P4HA1: variants seen among roughly 807,000 people sequenced by gnomAD.
P4HA1 encodes prolyl 4-hydroxylase subunit alpha-1.
In P4HA1, 24 loss-of-function variants were observed where a neutral mutation model predicts 72.8. The observed-to-expected ratio is 0.33, with a 90% CI of 0.24 to 0.46. The LOEUF is 0.46. Ranked by LOEUF, P4HA1 falls within the 20% of genes least tolerant of loss-of-function variation. The pLI is 1.00. For synonymous variants in P4HA1, 201 were observed against 218.8 expected, an observed-to-expected ratio of 0.92 and a Z score of 0.72; for missense variants, 446 against 640.6, an observed-to-expected ratio of 0.70 and a Z score of 3.28.
chr10:73,089,346 T>C (rs1006488625), intron 1 of P4HA1, among the ~76,000 whole-genome samples: 1 of 151,930 alleles, frequency 6.6e-6, no homozygotes, highest in East Asian at 1.9e-4. Flanking sequence ...TTTTGAAGAG[T>C]CACAGACATG....
chr10:73,091,108 T>A (rs1256561697), intron 1 of P4HA1, among the ~76,000 whole-genome samples: 1 of 147,970 alleles, frequency 6.8e-6, no homozygotes, highest in Admixed American at 6.8e-5. Context: ...TTTGAAATCA[T>A]GTAAATTTGA....
intron 8 of P4HA1, among the ~76,000 whole-genome samples, chr10:73,045,291 T>C (rs139521367): frequency 3.4e-3 from 511 of 151,572 alleles, no homozygotes; most frequent in African/African-American, 0.011. Flanking sequence ...ACAAAAGAGA[T>C]TGGAAATTAA....
chr10:73,072,507 C>A (rs540842672), intron 3 of P4HA1, among the ~76,000 whole-genome samples: 11 of 152,218 alleles, frequency 7.2e-5, no homozygotes, highest in Admixed American at 2.0e-4. Flanking sequence ...GGCCAAATAA[C>A]TGATTATTAC....
intron 9 of P4HA1, among the ~76,000 whole-genome samples, chr10:73,037,201 CA>C (rs1708718296): frequency 6.7e-6 from 1 of 150,362 alleles, no homozygotes; most frequent in Non-Finnish European, 1.5e-5. Context: ...TTAAATAGCC[CA>C]AAGTATGTTC....
intron 8 of P4HA1, among the ~76,000 whole-genome samples, chr10:73,046,376 T>C (rs1389739795): frequency 2.0e-5 from 3 of 152,202 alleles, no homozygotes; most frequent in Non-Finnish European, 4.4e-5. Context: ...GTTTTTATGC[T>C]CAACACTAAG....
intron 10 of P4HA1, among the ~76,000 whole-genome samples, chr10:73,025,371 G>C (rs544835113): frequency 1.4e-3 from 209 of 152,180 alleles, no homozygotes; most frequent in East Asian, 5.2e-3. Flanking sequence ...AAAACCACAT[G>C]ATTATCTCAA....
At chr10:73,043,891 T>C in intron 9 of P4HA1, 1 of 1,605,460 alleles carries the variant, frequency 6.2e-7, no homozygotes, top group Non-Finnish European at 8.5e-7. Flanking sequence ...CCTTACCTCT[T>C]AGATACTCTG....
Position 73,094,147 on chromosome 10 carries a change from T to C in P4HA1, c.-33+2619A>G, listed in dbSNP as rs1221236129. On this transcript the variant is annotated intron_variant, in intron 1 of 14. Coordinates refer to ENST00000394890, the MANE Select transcript of P4HA1 (RefSeq NM_001017962.3). ...CATATATAGGAGAGGGCATGCAATG[T>C]GATATACTTTCACAGACTAGACAAT... Among the ~76,000 whole-genome samples, 3 of 152,062 alleles carry C rather than the reference T, an allele frequency of 2.0e-5. No homozygotes were observed. The East Asian group carries it at 5.8e-4, about 29-fold the overall frequency.
intron 7 of P4HA1, among the ~76,000 whole-genome samples, chr10:73,048,273 GT>G (rs1448175583): frequency 2.0e-5 from 3 of 151,960 alleles, no homozygotes; most frequent in Admixed American, 6.6e-5. Flanking sequence ...TTTTGTTTTT[GT>G]TTTTGTTTAG....
intron 10 of P4HA1, among the ~76,000 whole-genome samples, chr10:73,028,343 CACAA>C (rs1840344166): frequency 6.8e-6 from 1 of 147,096 alleles, no homozygotes; most frequent in South Asian, 2.1e-4. Context: ...CACACACACA[CACAA>C]AATACATTTT....
At chr10:73,076,364 T>TTTG (rs1554842643) in intron 1 of P4HA1, among the ~76,000 whole-genome samples, 1 of 151,760 alleles carries the variant, frequency 6.6e-6, no homozygotes, top group African/African-American at 2.4e-5. Context: ...GTGCCTGTTT[T>TTTG]TTTTTTTTTT....
At chr10:73,049,509 A>G (rs1456759473) in intron 7 of P4HA1, among the ~76,000 whole-genome samples, 1 of 152,234 alleles carries the variant, frequency 6.6e-6, no homozygotes, top group Non-Finnish European at 1.5e-5. Flanking sequence ...CATTATCATA[A>G]AAAGGTTCTG....
At chr10:73,009,931 C>G (rs1445160364) in intron 13 of P4HA1, 28 bp from the exon 14 acceptor site, 13 of 1,230,474 alleles carry the variant, frequency 1.1e-5, no homozygotes. Context: ...CAATTATCCC[C>G]AAGTATACAA....
At chr10:73,046,838 C>G (rs1434113821) in intron 8 of P4HA1, 87 bp downstream of exon 8, 1 of 964,062 alleles carries the variant, frequency 1.0e-6, no homozygotes. Context: ...TGGCATTATT[C>G]GTATATCAAT....
At chr10:73,093,907 T>TATATATACAC (rs1256283876) in intron 1 of P4HA1, among the ~76,000 whole-genome samples, 14 of 55,608 alleles carry the variant, frequency 2.5e-4, no homozygotes, top group African/African-American at 7.6e-4. Flanking sequence ...TATATATATA[T>TATATATACAC]ACACACACAC....
chr10:73,016,729 A>G (rs933572618), intron 11 of P4HA1, 117 bp downstream of exon 11: 31 of 647,418 alleles, frequency 4.8e-5, no homozygotes, highest in Non-Finnish European at 7.7e-5. Context: ...GTGAGCCAAG[A>G]TCGTGCTACT....
chr10:73,083,517 T>C (rs774350867), intron 1 of P4HA1, among the ~76,000 whole-genome samples: 1 of 152,220 alleles, frequency 6.6e-6, no homozygotes, highest in Non-Finnish European at 1.5e-5. Context: ...TGGAAGTTCT[T>C]CCAAAGTCCT....
rs565888754 is a variant in P4HA1, at chr10:73,010,059, C to G, written c.1438-156G>C. 2.0e-5 allele frequency among the ~76,000 whole-genome samples: 3 copies of G among 152,102 alleles called. No homozygotes were observed. The East Asian group carries it at 5.8e-4, about 29-fold the overall frequency. ...TCTCAGCTCACTGCAACCTCCACCT[C>G]CCAGGTTGAAGTGATTCTCCTGCCT... On this transcript the variant is annotated intron_variant, in intron 13 of 14. Transcript: ENST00000394890.
chr10:73,054,098 T>A (rs1273850862), intron 5 of P4HA1, among the ~76,000 whole-genome samples: 1 of 152,158 alleles, frequency 6.6e-6, no homozygotes, highest in East Asian at 1.9e-4. Flanking sequence ...GTATTTTTAG[T>A]AGAGATGGAG....
Sources: allele counts gnomAD v4.1 joint callset (sites outside exome capture counted in the v4.1 genomes callset), GRCh38; gene constraint gnomAD v4.1.1; transcripts MANE v1.5; gene names NCBI Gene and HGNC (gene_info 2026-07-23, HGNC 2026-07-21).